Variants in TMEM217B observed in about 807,000 individuals in gnomAD.
TMEM217B encodes transmembrane protein 217B, also known as putative transmembrane protein 217B.
chr6:37,233,003 A>G, the TMEM217B span, among the ~76,000 whole-genome samples: 1 of 152,066 alleles, frequency 6.6e-6, no homozygotes, highest in East Asian at 1.9e-4. Context: ...TGCCATCTAC[A>G]CTGAGAACAA....
the TMEM217B span, among the ~76,000 whole-genome samples, chr6:37,214,252 G>A: frequency 6.6e-6 from 1 of 152,128 alleles, no homozygotes; most frequent in Non-Finnish European, 1.5e-5. Flanking sequence ...TCTTTCGACA[G>A]AGTCTTGCTC....
the TMEM217B span, chr6:37,218,527 T>C: frequency 6.2e-7 from 1 of 1,614,138 alleles, no homozygotes; most frequent in South Asian, 1.1e-5. Context: ...CTGTAGAAAT[T>C]CGTCTCTTGT....
At chr6:37,255,026 C>T in the TMEM217B span, among the ~76,000 whole-genome samples, 4 of 152,112 alleles carry the variant, frequency 2.6e-5, no homozygotes, top group South Asian at 2.1e-4. Context: ...TGACAGGAGG[C>T]GGAGCTCTGG....
At chr6:37,224,671 G>A in the TMEM217B span, among the ~76,000 whole-genome samples, 22 of 151,982 alleles carry the variant, frequency 1.4e-4, no homozygotes, top group African/African-American at 5.1e-4. Flanking sequence ...ACCCAGGCTG[G>A]TCTCAAACTC....
chr6:37,246,858 G>T, the TMEM217B span, among the ~76,000 whole-genome samples: 1 of 151,000 alleles, frequency 6.6e-6, no homozygotes, highest in South Asian at 2.1e-4. Context: ...AGCCATGATT[G>T]TGCCACTGCG....
At chr6:37,257,305 C>CG in the TMEM217B span, among the ~76,000 whole-genome samples, 1 of 152,134 alleles carries the variant, frequency 6.6e-6, no homozygotes, top group Non-Finnish European at 1.5e-5. Context: ...CCCGGGCTAT[C>CG]GGGTCCCTGC....
the TMEM217B span, among the ~76,000 whole-genome samples, chr6:37,225,381 A>G: frequency 5.8e-4 from 88 of 152,252 alleles, 1 homozygote; most frequent in African/African-American, 2.0e-3. Context: ...TTTAAAAAAA[A>G]CAAGCTAGTA....
the TMEM217B span, among the ~76,000 whole-genome samples, chr6:37,243,280 A>G: frequency 6.6e-6 from 1 of 152,210 alleles, no homozygotes. Context: ...TCGGTTGGCC[A>G]GAATAAGGTT....
At chr6:37,230,867 T>C in the TMEM217B span, among the ~76,000 whole-genome samples, 1 of 152,106 alleles carries the variant, frequency 6.6e-6, no homozygotes, top group Non-Finnish European at 1.5e-5. Flanking sequence ...AAAAATTAAG[T>C]TAATTTTTTT....
chr6:37,213,715 C>T, the TMEM217B span, among the ~76,000 whole-genome samples: 1 of 152,230 alleles, frequency 6.6e-6, no homozygotes, highest in Non-Finnish European at 1.5e-5. Context: ...GTGCCCGAGC[C>T]GACCCTGCTG....
At chr6:37,252,837 G>C in the TMEM217B span, among the ~76,000 whole-genome samples, 2 of 151,166 alleles carry the variant, frequency 1.3e-5, no homozygotes, top group African/African-American at 4.9e-5. Context: ...ATGGGGTTTT[G>C]TCATGTTGCC....
At chr6:37,254,400 A>G in the TMEM217B span, among the ~76,000 whole-genome samples, 1 of 152,158 alleles carries the variant, frequency 6.6e-6, no homozygotes, top group Non-Finnish European at 1.5e-5. Context: ...CTTTGATGAC[A>G]GCTACCAACT....
chr6:37,218,017 A>G, the TMEM217B span: 19 of 991,624 alleles, frequency 1.9e-5, no homozygotes, highest in Non-Finnish European at 4.8e-6. Context: ...TTCTCCTGAA[A>G]GAGTGGCAGT....
the TMEM217B span, chr6:37,257,901 T>A: frequency 6.2e-7 from 1 of 1,612,996 alleles, no homozygotes; most frequent in Middle Eastern, 1.7e-4. Flanking sequence ...CTACAAGGAC[T>A]TCCCCCGGCC....
the TMEM217B span, among the ~76,000 whole-genome samples, chr6:37,251,488 G>A: frequency 3.3e-5 from 5 of 152,214 alleles, no homozygotes; most frequent in African/African-American, 9.6e-5. Context: ...ATAAGGGAAC[G>A]ATATATTGCA....
the TMEM217B span, chr6:37,218,061 T>TG: frequency 4.0e-6 from 4 of 1,000,556 alleles, no homozygotes; most frequent in Non-Finnish European, 3.6e-6. Flanking sequence ...TAAGCAAAAG[T>TG]GGGGGGAAAA....
chr6:37,213,904 G>A, the TMEM217B span, among the ~76,000 whole-genome samples: 1 of 152,186 alleles, frequency 6.6e-6, no homozygotes. Context: ...CAAAGGAAGG[G>A]GCACAGTCAC....
At chr6:37,240,354 T>C in the TMEM217B span, among the ~76,000 whole-genome samples, 1 of 152,198 alleles carries the variant, frequency 6.6e-6, no homozygotes, top group East Asian at 1.9e-4. Flanking sequence ...CCAAGCTCGC[T>C]CTCTCTGACT....
chr6:37,219,014 C>T, the TMEM217B span: 1 of 1,613,654 alleles, frequency 6.2e-7, no homozygotes, highest in African/African-American at 1.3e-5. Context: ...CATCCCACAC[C>T]ACTGCTGCTG....
Sources: allele counts gnomAD v4.1 joint callset (sites outside exome capture counted in the v4.1 genomes callset), GRCh38; gene constraint gnomAD v4.1.1; transcripts MANE v1.5; gene names NCBI Gene and HGNC (gene_info 2026-07-23, HGNC 2026-07-21).